The following RILP variants were observed in gnomAD, a reference collection of about 807,000 sequenced individuals.
RILP encodes the protein rab-interacting lysosomal protein.
Under a neutral mutation model 40.0 loss-of-function variants are expected in RILP, and 53 were observed. The observed-to-expected ratio is 1.32, with a 90% CI of 1.06 to 1.66. The LOEUF (loss-of-function observed/expected upper bound fraction) is 1.66. Among genes scored for constraint, RILP ranks in the 40% most tolerant of loss-of-function variants. RILP has a pLI of 0.00. For missense variants in RILP, 626 were observed against 551.7 expected (o/e 1.13, Z -1.35); for synonymous variants, 272 against 250.6 (o/e 1.09, Z -0.80).
At position 1,648,072 on chromosome 17, in the gene RILP, C is replaced by CCTGAACA. The variant is rs1232170552; in HGVS notation, c.822-122_822-116dup. 1.4e-6 allele frequency: 2 copies of CCTGAACA among 1,407,114 alleles called. No homozygotes were observed. Among genetic ancestry groups the CCTGAACA allele is most frequent in the Admixed American group, 4.0e-5 (2 of 50,060 alleles). The allele number at this position is 1,407,114 out of a possible 1,614,324, so 87.2% of individuals were successfully genotyped here. On this transcript the variant is annotated intron_variant, in intron 5 of 7. Transcript: ENST00000301336. The surrounding 1 kb of genome is among the most constrained non-coding windows in gnomAD (Gnocchi z 4.9). ...CTGGTACCTGTGCACGCAGCTCTTC[C>CCTGAACA]CTGAACACGGGAAGCGCTCTGCCTT...
Position 1,648,910 on chromosome 17 carries a change from C to A in RILP, c.564G>T (p.Pro188=), listed in dbSNP as rs1341155872. The A allele has an allele frequency of 2.4e-5, 37 of 1,523,142 alleles. No individual in the cohort carries two copies. In the Middle Eastern group the frequency reaches 6.4e-4, roughly 26 times the overall value. The allele number at this position is 1,523,142 out of a possible 1,614,324, so 94.4% of individuals were successfully genotyped here. The change falls in exon 4 of 8, where the codon CCG becomes CCT. Residue 188 remains proline, a synonymous_variant. Transcript: ENST00000301336. This position sits in a 1 kb window ranked among gnomAD's most constrained non-coding sequence, Gnocchi z 4.9. ...GCCCCCGCGCTCGCTCTTTAGCCTG[C>A]GGAGTCGCGGCTTCGCCAGGCTGCT... ...ERQQPGEAAT[P]QAKERARGQA...
chr17:1,648,568 G>A lies in RILP; in HGVS notation c.676-73C>T. 2 of 1,566,628 alleles carry A rather than the reference G, an allele frequency of 1.3e-6. No individual in the cohort carries two copies. The highest frequency in any genetic ancestry group is 2.2e-4 in the Middle Eastern group (1 of 4,450). On this transcript the variant is annotated intron_variant, in intron 4 of 7. Coordinates refer to ENST00000301336, the MANE Select transcript of RILP (RefSeq NM_031430.3). The surrounding 1 kb of genome is among the most constrained non-coding windows in gnomAD (Gnocchi z 4.9). ...CCCGCCCCAGGGCCATCATGGGAAT[G>A]CTAGAGGAAGTGACGGGCCGGGAGA...
Position 1,649,142 on chromosome 17 carries a change from GCCCA to G in RILP, c.429+54_429+57del. Reference sequence around the variant, plus strand: ...GCTCCGCCCCCGCCCCCGGAGCCCCGCCCAGCGCCTGCCACGCTCCGCCCCCGCC... The same window carrying G: ...GCTCCGCCCCCGCCCCCGGAGCCCCGGCGCCTGCCACGCTCCGCCCCCGCC... On this transcript the variant is annotated intron_variant, in intron 3 of 7. Coordinates refer to ENST00000301336, the MANE Select transcript of RILP (RefSeq NM_031430.3). This position sits in a 1 kb window ranked among gnomAD's most constrained non-coding sequence, Gnocchi z 4.3. 2.3e-6 allele frequency: 1 copy of G among 426,812 alleles called. No homozygotes were observed. Among genetic ancestry groups the G allele is most frequent in the South Asian group, 4.6e-5 (1 of 21,564 alleles). The allele number at this position is 426,812 out of a possible 1,614,324, so 26.4% of individuals were successfully genotyped here.
At position 1,649,379 on chromosome 17, in the gene RILP, C is replaced by A; in HGVS notation, c.322+33G>T. 6.7e-7 allele frequency: 1 copy of A among 1,494,470 alleles called. No homozygotes were observed. Among genetic ancestry groups the A allele is most frequent in the South Asian group, 1.2e-5 (1 of 80,200 alleles). The allele number at this position is 1,494,470 out of a possible 1,614,324, so 92.6% of individuals were successfully genotyped here. A position where few individuals can be genotyped will look rare whatever the true frequency, so the allele number is the denominator to read the frequency against. ...GGAGGGGAGGACCCGAGCAGGTCGT[C>A]ACCCGCCCTGCCCTGGCCGGGGCTG... On this transcript the variant is annotated intron_variant, in intron 2 of 7. Transcript: ENST00000301336. The surrounding 1 kb of genome is among the most constrained non-coding windows in gnomAD (Gnocchi z 4.3).
rs752997343 is a variant in RILP at position 1,648,889 on chromosome 17, C to T, written c.585G>A (p.Arg195=). The T allele has an allele frequency of 3.8e-5, 58 of 1,529,536 alleles. No homozygotes were observed. In the East Asian group the frequency reaches 8.5e-4, roughly 22 times the overall value. The allele number at this position is 1,529,536 out of a possible 1,614,324, so 94.7% of individuals were successfully genotyped here. The change falls in exon 4 of 8, where the codon CGG becomes CGA. Residue 195 remains arginine (R), a synonymous_variant. Transcript: ENST00000301336. The surrounding 1 kb of genome is among the most constrained non-coding windows in gnomAD (Gnocchi z 4.9). The part of the protein sequence containing the change: ...AATPQAKERA[R]GQAGRPGHQH... ...GGTGCCCGGGCCGCCCGGCCTGCCCCCGCGCTCGCTCTTTAGCCTGCGGAG... is the reference window on the plus strand; with the variant it reads ...GGTGCCCGGGCCGCCCGGCCTGCCCTCGCGCTCGCTCTTTAGCCTGCGGAG...
At chr17:1,647,570 C>T (rs562666217) in intron 6 of RILP, among the ~76,000 whole-genome samples, 13 of 152,250 alleles carry the variant, frequency 8.5e-5, no homozygotes, top group South Asian at 2.1e-4. Context: ...GCAGTGTTGT[C>T]AGGCAGAATG....
rs765941991 is a variant in RILP, at chr17:1,648,475, G to A, written c.696C>T (p.Leu232=). Reference sequence around the variant, plus strand: ...ACTGCCCTGCCTCCGAGGGGCGCCCGAGCTGCTGCGCGGCCTCCGCCTTTG... The same window carrying A: ...ACTGCCCTGCCTCCGAGGGGCGCCCAAGCTGCTGCGCGGCCTCCGCCTTTG... ...PEDPAEAAQQ[L]GRPSEAGQCR... Residue 232 remains leucine (L), a synonymous_variant, in exon 5 of 8, where the codon CTC becomes CTT. Coordinates refer to ENST00000301336, the MANE Select transcript of RILP (RefSeq NM_031430.3). The surrounding 1 kb of genome is among the most constrained non-coding windows in gnomAD (Gnocchi z 4.9). 1.9e-6 allele frequency: 3 copies of A among 1,613,538 alleles called. No homozygotes were observed. The highest frequency in any genetic ancestry group is 1.7e-6 in the Non-Finnish European group (2 of 1,179,990).
Position 1,649,469 on chromosome 17 carries a change from G to A in RILP, c.265C>T (p.Arg89Trp), listed in dbSNP as rs1256869096. 3 of 1,511,734 alleles carry A rather than the reference G, an allele frequency of 2.0e-6. No individual in the cohort carries two copies. In the African/African-American group the frequency reaches 4.3e-5, roughly 22 times the overall value. 93.6% of individuals were successfully genotyped at this position (1,511,734 alleles called of 1,614,324 possible). Residue 89 changes from arginine to tryptophan, a missense_variant, in exon 2 of 8, where the codon CGG becomes TGG. Arg to Trp is a moderately radical substitution (Grantham distance 101). Coordinates refer to ENST00000301336, the MANE Select transcript of RILP (RefSeq NM_031430.3). The surrounding 1 kb of genome is among the most constrained non-coding windows in gnomAD (Gnocchi z 4.3). ...CGCTCGTTCTCCTCCCGCAGCCGCCGCAGCTCCTGCTCCGCCGGCTGCGCC... is the reference window on the plus strand; with the variant it reads ...CGCTCGTTCTCCTCCCGCAGCCGCCACAGCTCCTGCTCCGCCGGCTGCGCC... ...VSAQPAEQEL[R>W]RLREENERLR...
Position 1,646,301 on chromosome 17 carries a change from G to C in RILP, c.*141C>G. ...TCTGGCCCCAGAGGCTCGGTACAGA[G>C]ACGTAGAGAGGGAGGCGGGCTGAGA... On this transcript the variant is annotated 3_prime_UTR_variant, in exon 8 of 8. Transcript: ENST00000301336. The surrounding 1 kb of genome is among the most constrained non-coding windows in gnomAD (Gnocchi z 4.3). 1 of 723,054 alleles carries C rather than the reference G, an allele frequency of 1.4e-6. No individual in the cohort carries two copies. Among genetic ancestry groups the C allele is most frequent in the Non-Finnish European group, 2.2e-6 (1 of 456,612 alleles). 44.8% of individuals were successfully genotyped at this position (723,054 alleles called of 1,614,324 possible). A position where few individuals can be genotyped will look rare whatever the true frequency, so the allele number is the denominator to read the frequency against.
In RILP at chr17:1,648,224, A is replaced by G; in HGVS notation, c.821+126T>C. On this transcript the variant is annotated intron_variant, in intron 5 of 7. Coordinates refer to ENST00000301336, the MANE Select transcript of RILP (RefSeq NM_031430.3). The surrounding 1 kb of genome is among the most constrained non-coding windows in gnomAD (Gnocchi z 4.9). ...TGTCTGGATGACATTGCAGGAGGGC[A>G]AGGGCTGTACAATTCATGTCCTCCC... The G allele has an allele frequency of 7.9e-7, 1 of 1,267,496 alleles. No homozygotes were observed. Among genetic ancestry groups the G allele is most frequent in the Non-Finnish European group, 1.1e-6 (1 of 911,216 alleles). 78.5% of individuals were successfully genotyped at this position (1,267,496 alleles called of 1,614,324 possible).
chr17:1,648,208 G>A lies in RILP; in HGVS notation c.821+142C>T. 1 of 1,166,504 alleles carries A rather than the reference G, an allele frequency of 8.6e-7. No homozygotes were observed. The highest frequency in any genetic ancestry group is 2.4e-5 in the Admixed American group (1 of 42,088). 72.3% of individuals were successfully genotyped at this position (1,166,504 alleles called of 1,614,324 possible). A position where few individuals can be genotyped will look rare whatever the true frequency, so the allele number is the denominator to read the frequency against. On this transcript the variant is annotated intron_variant, in intron 5 of 7. Transcript: ENST00000301336. The surrounding 1 kb of genome is among the most constrained non-coding windows in gnomAD (Gnocchi z 4.9). ...TACTGTCCCTCTCCCCTGTCTGGAT[G>A]ACATTGCAGGAGGGCAAGGGCTGTA...
Position 1,649,236 on chromosome 17 carries a change from G to C in RILP, c.393C>G (p.Asn131Lys). ...CCTGGCCGCGCTGCCGCAGGTCGCG[G>C]TTGTGCGCCCGGAGTTCGTCCCGCT... ...DRQRDELRAH[N>K]RDLRQRGQET... The change falls in exon 3 of 8, where the codon AAC becomes AAG. Residue 131 changes from asparagine to lysine, a missense_variant. Transcript: ENST00000301336. The surrounding 1 kb of genome is among the most constrained non-coding windows in gnomAD (Gnocchi z 4.3). 6.7e-7 allele frequency: 1 copy of C among 1,498,784 alleles called. No individual in the cohort carries two copies. The highest frequency in any genetic ancestry group is 8.8e-7 in the Non-Finnish European group (1 of 1,131,890). The allele number at this position is 1,498,784 out of a possible 1,614,324, so 92.8% of individuals were successfully genotyped here.
chr17:1,647,606 G>A (rs1231126778), intron 6 of RILP, among the ~76,000 whole-genome samples: 1 of 152,150 alleles, frequency 6.6e-6, no homozygotes, highest in Non-Finnish European at 1.5e-5. Flanking sequence ...AAGGGGAGTG[G>A]TGAGATCCAG....
In RILP at chr17:1,646,882, G is replaced by GCCTTTCC. The variant is rs760467943; in HGVS notation, c.1028+17_1028+23dup. 3.9e-6 allele frequency: 6 copies of GCCTTTCC among 1,538,640 alleles called. No individual in the cohort carries two copies. The highest frequency in any genetic ancestry group is 5.3e-6 in the Non-Finnish European group (6 of 1,131,690). On this transcript the variant is annotated intron_variant, in intron 7 of 7. Coordinates refer to ENST00000301336, the MANE Select transcript of RILP (RefSeq NM_031430.3). The surrounding 1 kb of genome is among the most constrained non-coding windows in gnomAD (Gnocchi z 4.3). ...GCCCTTCCTCCCTCCCCACACTCTT[G>GCCTTTCC]CCTTTCCCCTTTCCCCAACATACAA...
chr17:1,646,517 A>T lies in RILP; in HGVS notation c.1131T>A (p.Ser377=). Residue 377 remains serine (S), a synonymous_variant, in exon 8 of 8, where the codon TCT becomes TCA. Transcript: ENST00000301336. The surrounding 1 kb of genome is among the most constrained non-coding windows in gnomAD (Gnocchi z 4.3). ...CAGAACAGGGCGGATCAGGAGCTGG[A>T]GACTGTGGTTGGGCCTCCTCTTCTC... ...LGGEEEAQPQ[S]PAPDPPCSAL... The T allele has an allele frequency of 1.9e-6, 3 of 1,613,404 alleles. No homozygotes were observed. The highest frequency in any genetic ancestry group is 2.5e-6 in the Non-Finnish European group (3 of 1,179,704).
rs765709415 is a variant in RILP at position 1,647,936 on chromosome 17, C to T, written c.843G>A (p.Arg281=). ...YFQRELLTDH[R]VPGLLLEAMK... Reference sequence around the variant, plus strand: ...TGGCCTCGAGCAGAAGGCCGGGGACCCGGTGGTCTGTGAGCAGCTCCCTAA... The same window carrying T: ...TGGCCTCGAGCAGAAGGCCGGGGACTCGGTGGTCTGTGAGCAGCTCCCTAA... Residue 281 remains arginine (R), a synonymous_variant, in exon 6 of 8, where the codon CGG becomes CGA. Coordinates refer to ENST00000301336, the MANE Select transcript of RILP (RefSeq NM_031430.3). 1.9e-6 allele frequency: 3 copies of T among 1,613,968 alleles called. No homozygotes were observed. The highest frequency in any genetic ancestry group is 1.7e-6 in the Non-Finnish European group (2 of 1,180,020).
In RILP at chr17:1,649,847, C is replaced by T. The variant is rs1227187248; in HGVS notation, c.-43G>A. 3 of 1,436,920 alleles carry T rather than the reference C, an allele frequency of 2.1e-6. No homozygotes were observed. Among genetic ancestry groups the T allele is most frequent in the Non-Finnish European group, 2.8e-6 (3 of 1,075,362 alleles). The allele number at this position is 1,436,920 out of a possible 1,614,324, so 89.0% of individuals were successfully genotyped here. Reference sequence around the variant, plus strand: ...GGCTGCGACCCCCCCACCCCACCCTCCACTGGGACGGGGAAAAGCGAAACA... The same window carrying T: ...GGCTGCGACCCCCCCACCCCACCCTTCACTGGGACGGGGAAAAGCGAAACA... On this transcript the variant is annotated 5_prime_UTR_variant, in exon 1 of 8. Transcript: ENST00000301336. This position sits in a 1 kb window ranked among gnomAD's most constrained non-coding sequence, Gnocchi z 4.3.
Position 1,649,281 on chromosome 17 carries a change from G to T in RILP, c.348C>A (p.Leu116=). The T allele has an allele frequency of 6.6e-7, 1 of 1,506,576 alleles. No individual in the cohort carries two copies. The highest frequency in any genetic ancestry group is 1.2e-5 in the South Asian group (1 of 81,370). The allele number at this position is 1,506,576 out of a possible 1,614,324, so 93.3% of individuals were successfully genotyped here. ...CCCGCTGTCGGTCCGTGACCTCCTT[G>T]AGCTGCCGCAGCAGCGCGCGCTCCT... ...PQEERALLRQ[L]KEVTDRQRDE... Residue 116 remains leucine (L), a synonymous_variant, in exon 3 of 8, where the codon CTC becomes CTA. Transcript: ENST00000301336. This position sits in a 1 kb window ranked among gnomAD's most constrained non-coding sequence, Gnocchi z 4.3.
At chr17:1,647,766 C>T in intron 6 of RILP, 69 bp downstream of exon 6, 1 of 1,599,112 alleles carries the variant, frequency 6.3e-7, no homozygotes, top group Non-Finnish European at 8.6e-7. Flanking sequence ...GGTGACCAGG[C>T]TGGGTCATCA....
Sources: allele counts gnomAD v4.1 joint callset (sites outside exome capture counted in the v4.1 genomes callset), GRCh38; gene constraint gnomAD v4.1.1; non-coding constraint Gnocchi (gnomAD v3.1); transcripts MANE v1.5; gene names NCBI Gene and HGNC (gene_info 2026-07-23, HGNC 2026-07-21).